The following SLC25A26 variants were observed in gnomAD, a reference collection of about 807,000 sequenced individuals.
SLC25A26 encodes solute carrier family 25 member 26, also known as mitochondrial S-adenosylmethionine carrier protein.
In SLC25A26, 36 loss-of-function variants were observed where a neutral mutation model predicts 37.8. The ratio of observed to expected loss-of-function variants is 0.95; its 90% CI spans 0.73 to 1.26. The LOEUF is 1.26. Among genes scored for constraint, SLC25A26 ranks in the 50% most tolerant of loss-of-function variants. The pLI, the probability that SLC25A26 is intolerant of heterozygous loss-of-function variation, is 0.00. For missense variants in SLC25A26, 390 were observed against 331.1 expected (o/e 1.18, Z -1.38); for synonymous variants, 129 against 122.5 (o/e 1.05, Z -0.35).
intron 1 of SLC25A26, among the ~76,000 whole-genome samples, chr3:66,227,402 G>A (rs139005495): frequency 4.6e-5 from 7 of 151,834 alleles, no homozygotes; most frequent in Non-Finnish European, 7.4e-5. Context: ...ATAAAATGTC[G>A]TGTGCATTTA....
At chr3:66,317,947 G>A (rs998089925) in intron 5 of SLC25A26, among the ~76,000 whole-genome samples, 2 of 152,166 alleles carry the variant, frequency 1.3e-5, no homozygotes, top group South Asian at 2.1e-4. Context: ...CAAACCACCC[G>A]GTCTTGCTGG....
intron 5 of SLC25A26, among the ~76,000 whole-genome samples, chr3:66,278,924 C>T (rs147677133): frequency 6.8e-4 from 104 of 152,164 alleles, no homozygotes; most frequent in Admixed American, 3.9e-4. Context: ...AGTGGAGTAC[C>T]GGTGAACTAG....
intron 3 of SLC25A26, among the ~76,000 whole-genome samples, chr3:66,245,737 G>A (rs1340930091): frequency 6.6e-6 from 1 of 152,186 alleles, no homozygotes; most frequent in Middle Eastern, 3.4e-3. Flanking sequence ...AGTGAACTGG[G>A]GATATGGAAA....
chr3:66,228,341 T>A (rs2071855615), intron 1 of SLC25A26, among the ~76,000 whole-genome samples: 1 of 152,260 alleles, frequency 6.6e-6, no homozygotes, highest in Non-Finnish European at 1.5e-5. Flanking sequence ...TAGTATTTGA[T>A]AACTTAGCTG....
At chr3:66,142,661 C>A (rs2070053295) in intron 1 of SLC25A26, among the ~76,000 whole-genome samples, 1 of 152,182 alleles carries the variant, frequency 6.6e-6, no homozygotes, top group South Asian at 2.1e-4. Context: ...CATTTGTCAT[C>A]AAACCTAAGC....
intron 5 of SLC25A26, among the ~76,000 whole-genome samples, chr3:66,317,312 T>A (rs1178255488): frequency 1.3e-5 from 2 of 152,050 alleles, no homozygotes; most frequent in East Asian, 1.9e-4. Context: ...GTTGATGATG[T>A]TGTTGTTGTT....
intron 7 of SLC25A26, among the ~76,000 whole-genome samples, chr3:66,369,038 A>AAAAAAC (rs1209638435): frequency 4.3e-5 from 1 of 23,358 alleles, no homozygotes; most frequent in Non-Finnish European, 7.3e-5. Context: ...AAAAAAAAAA[A>AAAAAAC]AAAAACAAAA....
chr3:66,179,661 T>C (rs141506197), intron 1 of SLC25A26, among the ~76,000 whole-genome samples: 22 of 152,274 alleles, frequency 1.4e-4, no homozygotes, highest in Non-Finnish European at 2.5e-4. Flanking sequence ...CGTCCCTCTA[T>C]AGAACTATAA....
chr3:66,365,358 C>T (rs549900186), intron 7 of SLC25A26, among the ~76,000 whole-genome samples: 1 of 152,298 alleles, frequency 6.6e-6, no homozygotes, highest in South Asian at 2.1e-4. Flanking sequence ...CGCAAATATC[C>T]AAAAATGTCC....
intron 1 of SLC25A26, among the ~76,000 whole-genome samples, chr3:66,204,442 A>AAAAAAAAAG (rs2071150895): frequency 3.1e-5 from 4 of 130,404 alleles, no homozygotes; most frequent in African/African-American, 5.1e-5. Flanking sequence ...AAAAAAAAGA[A>AAAAAAAAAG]AAAAAGAAAA....
intron 1 of SLC25A26, among the ~76,000 whole-genome samples, chr3:66,189,341 A>G (rs2070891788): frequency 6.6e-6 from 1 of 151,754 alleles, no homozygotes; most frequent in African/African-American, 2.4e-5. Context: ...TGATCCCCAA[A>G]TACACCCTCA....
chr3:66,170,608 A>G (rs1378938179), intron 1 of SLC25A26, among the ~76,000 whole-genome samples: 1 of 152,088 alleles, frequency 6.6e-6, no homozygotes, highest in Non-Finnish European at 1.5e-5. Context: ...CATTTTATAA[A>G]TTGAGAAACT....
Position 66,253,082 on chromosome 3 carries a change from C to T in SLC25A26, c.301-8969C>T, listed in dbSNP as rs549627249. 6.3e-5 allele frequency among the ~76,000 whole-genome samples: 9 copies of T among 141,774 alleles called. No homozygotes were observed. The East Asian group carries it at 1.1e-3, about 17-fold the overall frequency. The allele number at this position is 141,774 out of a possible 152,430, so 93.0% of individuals were successfully genotyped here. A position where few individuals can be genotyped will look rare whatever the true frequency, so the allele number is the denominator to read the frequency against. On this transcript the variant is annotated intron_variant, in intron 3 of 9. Coordinates refer to ENST00000354883, the MANE Select transcript of SLC25A26 (RefSeq NM_001379210.1). The stretch of plus-strand genomic sequence containing the variant: ...AAATCTCTGAATGTGTTTCTTCACA[C>T]GGGAAAGAGATTTGGCAGATAATAT...
intron 5 of SLC25A26, chr3:66,324,149 C>A (rs1015681732): frequency 3.4e-5 from 5 of 148,800 alleles, no homozygotes; most frequent in African/African-American, 1.0e-4. Context: ...AAAAGTGTGT[C>A]TTTAAGAAGA....
intron 1 of SLC25A26, among the ~76,000 whole-genome samples, chr3:66,138,193 T>G (rs2106660025): frequency 6.6e-6 from 1 of 152,228 alleles, no homozygotes; most frequent in East Asian, 1.9e-4. Context: ...ACACGTAAAA[T>G]AAACATGGGC....
chr3:66,181,932 G>C (rs1017792201), intron 1 of SLC25A26, among the ~76,000 whole-genome samples: 1 of 152,092 alleles, frequency 6.6e-6, no homozygotes, highest in South Asian at 2.1e-4. Flanking sequence ...GCCTGCCTGG[G>C]AGCGTGCCCG....
At chr3:66,334,053 A>G (rs2076039187) in intron 5 of SLC25A26, among the ~76,000 whole-genome samples, 3 of 152,118 alleles carry the variant, frequency 2.0e-5, no homozygotes. Context: ...TTCCCTTAAC[A>G]GTTGTGGATC....
Position 66,199,806 on chromosome 3 carries a change from T to C in SLC25A26, c.-353-20936T>C, listed in dbSNP as rs890617135. 2.2e-3 allele frequency among the ~76,000 whole-genome samples: 333 copies of C among 152,164 alleles called. 5 individuals carry two copies. The highest frequency in any genetic ancestry group is 7.5e-3 in the African/African-American group (313 of 41,514). ...ATCATGACCCTGAGTTGAATCTTAC[T>C]TTTACCCTACACCTGACACCTGATC... On this transcript the variant is annotated intron_variant, in intron 1 of 10. Coordinates refer to the SLC25A26 transcript ENST00000676754.
At chr3:66,298,983 T>C (rs1164576728) in intron 5 of SLC25A26, among the ~76,000 whole-genome samples, 1 of 152,208 alleles carries the variant, frequency 6.6e-6, no homozygotes, top group East Asian at 1.9e-4. Context: ...GAAGGTGCCA[T>C]CTAAAAACTC....
Sources: allele counts gnomAD v4.1 joint callset (sites outside exome capture counted in the v4.1 genomes callset), GRCh38; gene constraint gnomAD v4.1.1; transcripts MANE v1.5; gene names NCBI Gene and HGNC (gene_info 2026-07-23, HGNC 2026-07-21).